The following BRINP1 variants were observed in gnomAD, a reference collection of about 807,000 sequenced individuals.
BRINP1 encodes the protein BMP/retinoic acid-inducible neural-specific protein 1.
BRINP1 carries 17 observed loss-of-function variants against 72.9 expected under a neutral mutation model. That is an observed-to-expected ratio of 0.23 (90% confidence interval 0.16 to 0.35). The LOEUF is 0.35. Ranked by LOEUF, BRINP1 falls within the 10% of genes least tolerant of loss-of-function variation. BRINP1 has a pLI of 1.00. For missense variants in BRINP1, 850 were observed against 1,001.6 expected (o/e 0.85, Z 2.04); for synonymous variants, 418 against 378.5 (o/e 1.10, Z -1.21).
At chr9:119,256,313 T>C (rs1830448008) in intron 2 of BRINP1, among the ~76,000 whole-genome samples, 1 of 152,298 alleles carries the variant, frequency 6.6e-6, no homozygotes, top group Non-Finnish European at 1.5e-5. Context: ...TGGGTGATAG[T>C]GGATAGATGG....
At chr9:119,355,752 C>A (rs1329617686) in intron 1 of BRINP1, among the ~76,000 whole-genome samples, 1 of 150,960 alleles carries the variant, frequency 6.6e-6, no homozygotes, top group Non-Finnish European at 1.5e-5. Flanking sequence ...AAAAGATACA[C>A]CCTATCTTCA....
chr9:119,212,852 G>T (rs1010243190), intron 6 of BRINP1, among the ~76,000 whole-genome samples: 4 of 152,184 alleles, frequency 2.6e-5, no homozygotes, highest in African/African-American at 9.7e-5. Flanking sequence ...CTCAATGAAA[G>T]ATATCAACAT....
At chr9:119,324,826 A>G (rs890345039) in intron 1 of BRINP1, among the ~76,000 whole-genome samples, 20 of 152,164 alleles carry the variant, frequency 1.3e-4, no homozygotes, top group Admixed American at 1.3e-4. Flanking sequence ...ATGGCCGGGC[A>G]CAGTGGCTCA....
intron 4 of BRINP1, among the ~76,000 whole-genome samples, chr9:119,241,818 C>T (rs1023460885): frequency 1.3e-5 from 2 of 152,184 alleles, no homozygotes; most frequent in African/African-American, 2.4e-5. Context: ...GCCATGACTA[C>T]AGCCAGAATA....
intron 2 of BRINP1, among the ~76,000 whole-genome samples, chr9:119,264,257 G>T (rs1830525910): frequency 6.6e-6 from 1 of 152,180 alleles, no homozygotes; most frequent in Non-Finnish European, 1.5e-5. Flanking sequence ...CCAGAGATCT[G>T]CAGGAAAGAA....
At chr9:119,201,394 C>T (rs1266299660) in intron 7 of BRINP1, among the ~76,000 whole-genome samples, 1 of 152,076 alleles carries the variant, frequency 6.6e-6, no homozygotes, top group Non-Finnish European at 1.5e-5. Flanking sequence ...TGAGAAGGAC[C>T]TCAGAGATAA....
chr9:119,307,039 C>T (rs946178109), intron 2 of BRINP1, among the ~76,000 whole-genome samples: 2 of 151,850 alleles, frequency 1.3e-5, no homozygotes, highest in African/African-American at 2.4e-5. Context: ...ATTTCTCAAC[C>T]TCTACACAAC....
intron 5 of BRINP1, among the ~76,000 whole-genome samples, chr9:119,224,032 T>A (rs766541700): frequency 4.6e-5 from 7 of 152,026 alleles, no homozygotes; most frequent in Non-Finnish European, 8.8e-5. Context: ...ATAGTAGGTA[T>A]GCAAAAATTA....
chr9:119,333,822 A>T (rs1316963589), intron 1 of BRINP1, among the ~76,000 whole-genome samples: 3 of 152,324 alleles, frequency 2.0e-5, no homozygotes, highest in Admixed American at 6.5e-5. Context: ...AAGAAAAAAA[A>T]TATATATTGC....
Position 119,167,675 on chromosome 9 carries a change from G to A in BRINP1, c.1695C>T (p.Asn565=), listed in dbSNP as rs1345972381. 1.9e-6 allele frequency: 3 copies of A among 1,614,156 alleles called. No homozygotes were observed. Among genetic ancestry groups the A allele is most frequent in the South Asian group, 1.1e-5 (1 of 91,080 alleles). Residue 565 remains asparagine, a synonymous_variant, in exon 8 of 8, where the codon AAC becomes AAT. Coordinates refer to ENST00000265922, the MANE Select transcript of BRINP1 (RefSeq NM_014618.3). This position sits in a 1 kb window ranked among gnomAD's most constrained non-coding sequence, Gnocchi z 4.3. ...CCTCCGAATGGCTCCCGCTAAAGGG[G>A]TTGACATAGACAAAGAACATGGGGT... is the stretch of plus-strand genomic sequence containing the variant. The part of the protein sequence containing the change: ...SLDPMFFVYV[N]PFSGSHSEGW...
At chr9:119,178,111 T>G (rs1012894412) in intron 7 of BRINP1, among the ~76,000 whole-genome samples, 5 of 151,882 alleles carry the variant, frequency 3.3e-5, no homozygotes, top group Non-Finnish European at 7.4e-5. Flanking sequence ...ACAGGGAGGA[T>G]GAAATGGAAT....
rs563535085 is a variant in BRINP1 at position 119,292,155 on chromosome 9, A to T, written c.218+20983T>A. Among the ~76,000 whole-genome samples, 14 of 152,296 alleles carry T rather than the reference A, an allele frequency of 9.2e-5. No individual in the cohort carries two copies. The East Asian group carries it at 2.7e-3, about 29-fold the overall frequency. On this transcript the variant is annotated intron_variant, in intron 2 of 7. Coordinates refer to ENST00000265922, the MANE Select transcript of BRINP1 (RefSeq NM_014618.3). ...TTTAGAGATGGGAAAGCAAAGGCCCACAAAGGTCACTGGACTTGACCAAGT... is the reference window on the plus strand; with the variant it reads ...TTTAGAGATGGGAAAGCAAAGGCCCTCAAAGGTCACTGGACTTGACCAAGT...
chr9:119,181,723 C>T (rs929101170), intron 7 of BRINP1, among the ~76,000 whole-genome samples: 12 of 152,174 alleles, frequency 7.9e-5, no homozygotes, highest in Middle Eastern at 3.4e-3. Flanking sequence ...TCAGTCTCCA[C>T]AGTTCTAATG....
At chr9:119,280,398 C>G (rs1346039974) in intron 2 of BRINP1, among the ~76,000 whole-genome samples, 1 of 145,782 alleles carries the variant, frequency 6.9e-6, no homozygotes, top group Admixed American at 6.9e-5. Flanking sequence ...GCCACCACAC[C>G]CAGCTATTTT....
intron 4 of BRINP1, among the ~76,000 whole-genome samples, chr9:119,240,501 T>A (rs1830235946): frequency 6.6e-6 from 1 of 152,162 alleles, no homozygotes; most frequent in Non-Finnish European, 1.5e-5. Context: ...GATTATCTTC[T>A]GACAGAGCTT....
At chr9:119,319,785 C>A (rs1429807265) in intron 1 of BRINP1, among the ~76,000 whole-genome samples, 1 of 152,144 alleles carries the variant, frequency 6.6e-6, no homozygotes, top group Non-Finnish European at 1.5e-5. Flanking sequence ...GCTCACAATT[C>A]CCAAGTGTCA....
intron 1 of BRINP1, among the ~76,000 whole-genome samples, chr9:119,314,631 C>T (rs151222875): frequency 2.0e-5 from 3 of 152,254 alleles, no homozygotes; most frequent in Admixed American, 6.5e-5. Context: ...TCTACTTACT[C>T]GCTTAACTGT....
At chr9:119,326,586 T>C (rs376079266) in intron 1 of BRINP1, among the ~76,000 whole-genome samples, 1 of 152,198 alleles carries the variant, frequency 6.6e-6, no homozygotes, top group Non-Finnish European at 1.5e-5. Flanking sequence ...AGGGTCTAAA[T>C]TCAGGGAGAC....
chr9:119,298,803 A>G (rs1372353457), intron 2 of BRINP1, among the ~76,000 whole-genome samples: 2 of 152,098 alleles, frequency 1.3e-5, no homozygotes, highest in East Asian at 3.9e-4. Flanking sequence ...TCACCTTTTC[A>G]AGACCTCTAG....
Sources: gnomAD v4.1 joint callset for allele counts (sites outside exome capture counted in the v4.1 genomes callset) on GRCh38, gnomAD v4.1.1 for gene constraint, Gnocchi (gnomAD v3.1) non-coding constraint, MANE v1.5 for transcripts, NCBI Gene and HGNC (gene_info 2026-07-23, HGNC 2026-07-21) for gene names.